Variants in ZBTB20 observed in about 807,000 individuals in gnomAD.
The protein encoded by ZBTB20 is zinc finger and BTB domain containing 20, also known as zinc finger and BTB domain-containing protein 20.
In ZBTB20, 9 loss-of-function variants were observed where a neutral mutation model predicts 56.9. The observed-to-expected ratio is 0.16, with a 90% CI of 0.10 to 0.28. The LOEUF is 0.28. ZBTB20 is among the 10% of genes least tolerant of loss of function. The pLI, the probability that ZBTB20 is intolerant of heterozygous loss-of-function variation, is 1.00. For synonymous variants in ZBTB20, 417 were observed against 420.7 expected (o/e 0.99, Z 0.11); for missense variants, 655 against 1,003.0 (o/e 0.65, Z 4.69).
intron 4 of ZBTB20, among the ~76,000 whole-genome samples, chr3:114,840,973 A>G (rs1356786494): frequency 1.3e-5 from 2 of 152,234 alleles, no homozygotes; most frequent in Non-Finnish European, 2.9e-5. Flanking sequence ...ATATGTAATA[A>G]ATTAGCTATA....
At chr3:114,607,904 A>G (rs993358594) in intron 6 of ZBTB20, among the ~76,000 whole-genome samples, 3 of 152,210 alleles carry the variant, frequency 2.0e-5, no homozygotes, top group Admixed American at 1.3e-4. Flanking sequence ...AGAATTTAAC[A>G]TTCGTAACAA....
chr3:114,747,216 A>C (rs1226270787), intron 5 of ZBTB20, among the ~76,000 whole-genome samples: 3 of 152,234 alleles, frequency 2.0e-5, no homozygotes, highest in Non-Finnish European at 4.4e-5. Context: ...CTTAAAGAGA[A>C]GAATAAAAGT....
At chr3:114,808,198 A>T (rs916726411) in intron 4 of ZBTB20, among the ~76,000 whole-genome samples, 1 of 152,024 alleles carries the variant, frequency 6.6e-6, no homozygotes, top group Non-Finnish European at 1.5e-5. Flanking sequence ...TAATTTGCGC[A>T]TTTCTAAGAT....
intron 7 of ZBTB20, among the ~76,000 whole-genome samples, chr3:114,434,342 T>C (rs1252582349): frequency 6.6e-6 from 1 of 152,120 alleles, no homozygotes; most frequent in Admixed American, 6.6e-5. Flanking sequence ...CCATGTTCTC[T>C]AGATGTGACG....
At chr3:115,103,550 A>G (rs909563227) in intron 1 of ZBTB20, among the ~76,000 whole-genome samples, 1 of 152,200 alleles carries the variant, frequency 6.6e-6, no homozygotes, top group Admixed American at 6.5e-5. Flanking sequence ...AGGCCCACAT[A>G]TGTATAGTCA....
chr3:114,545,680 A>AG (rs978389314), intron 6 of ZBTB20, among the ~76,000 whole-genome samples: 1 of 152,152 alleles, frequency 6.6e-6, no homozygotes, highest in Non-Finnish European at 1.5e-5. Context: ...AGGCTGGAGG[A>AG]GGGGGTCTTC....
chr3:114,613,629 G>A (rs966660481), intron 6 of ZBTB20, among the ~76,000 whole-genome samples: 2 of 152,132 alleles, frequency 1.3e-5, no homozygotes, highest in Non-Finnish European at 2.9e-5. Flanking sequence ...AGTAAACTCA[G>A]TACCAAGCTC....
intron 2 of ZBTB20, among the ~76,000 whole-genome samples, chr3:114,992,738 T>C: frequency 6.6e-6 from 1 of 151,856 alleles, no homozygotes; most frequent in African/African-American, 2.4e-5. Flanking sequence ...TATAGGTCTA[T>C]AGACTAGCCC....
At chr3:114,689,397 G>A (rs1012007782) in intron 6 of ZBTB20, among the ~76,000 whole-genome samples, 42 of 152,218 alleles carry the variant, frequency 2.8e-4, no homozygotes, top group African/African-American at 9.4e-4. Context: ...AGGATTCCCT[G>A]CCTCATGTAA....
chr3:114,458,242 T>C (rs2092137129), intron 7 of ZBTB20, among the ~76,000 whole-genome samples: 1 of 152,244 alleles, frequency 6.6e-6, no homozygotes, highest in Non-Finnish European at 1.5e-5. Context: ...TCTTTAATTT[T>C]CCCCCGACTA....
chr3:114,990,316 T>C (rs868831170), intron 2 of ZBTB20, among the ~76,000 whole-genome samples: 138 of 152,006 alleles, frequency 9.1e-4, no homozygotes, highest in Middle Eastern at 6.8e-3. Flanking sequence ...GCATGAAGGG[T>C]TGTTGAATTT....
chr3:115,049,317 CT>C (rs1257648692), intron 2 of ZBTB20, among the ~76,000 whole-genome samples: 6 of 152,076 alleles, frequency 3.9e-5, no homozygotes, highest in Admixed American at 1.3e-4. Flanking sequence ...CTGGTGGTTA[CT>C]TTTTTATTTC....
chr3:114,905,806 G>A (rs2075297053), intron 3 of ZBTB20, among the ~76,000 whole-genome samples: 1 of 151,664 alleles, frequency 6.6e-6, no homozygotes, highest in Non-Finnish European at 1.5e-5. Flanking sequence ...CGTTAGTTTG[G>A]CCCCACATTG....
intron 4 of ZBTB20, among the ~76,000 whole-genome samples, chr3:114,801,741 G>A (rs886846494): frequency 6.6e-6 from 1 of 151,786 alleles, no homozygotes; most frequent in African/African-American, 2.4e-5. Flanking sequence ...CCATTGAAAT[G>A]TACTGTATTA....
At chr3:114,756,940 T>A (rs1255148020) in intron 5 of ZBTB20, among the ~76,000 whole-genome samples, 1 of 152,160 alleles carries the variant, frequency 6.6e-6, no homozygotes, top group Non-Finnish European at 1.5e-5. Context: ...AGGAATACAG[T>A]ACCACCTGGG....
intron 6 of ZBTB20, among the ~76,000 whole-genome samples, chr3:114,616,272 G>A (rs1023405633): frequency 1.3e-5 from 2 of 152,160 alleles, no homozygotes; most frequent in African/African-American, 4.8e-5. Context: ...TCAGAAATGA[G>A]GTGTATAGCA....
intron 5 of ZBTB20, among the ~76,000 whole-genome samples, chr3:114,701,710 A>G (rs919172030): frequency 2.0e-5 from 3 of 152,096 alleles, no homozygotes; most frequent in Non-Finnish European, 2.9e-5. Flanking sequence ...ATGTACTGCA[A>G]TGCAATGCAA....
intron 5 of ZBTB20, among the ~76,000 whole-genome samples, chr3:114,752,838 A>T (rs2067672132): frequency 6.6e-6 from 1 of 152,152 alleles, no homozygotes; most frequent in South Asian, 2.1e-4. Flanking sequence ...AAGTCCCTTG[A>T]AGATTGACCC....
intron 4 of ZBTB20, among the ~76,000 whole-genome samples, chr3:114,858,525 C>CGT (rs145263695): frequency 0.048 from 6,997 of 146,900 alleles, 175 homozygotes; most frequent in Non-Finnish European, 0.058. Flanking sequence ...TGCGTGTATT[C>CGT]GTGTGTGTGT....
Sources: gnomAD v4.1 joint callset for allele counts (sites outside exome capture counted in the v4.1 genomes callset) on GRCh38, gnomAD v4.1.1 for gene constraint, MANE v1.5 for transcripts, NCBI Gene and HGNC (gene_info 2026-07-23, HGNC 2026-07-21) for gene names.